MN1: variants seen among roughly 807,000 people sequenced by gnomAD.
MN1 encodes the protein MN1 proto-oncogene, transcriptional regulator.
MN1 carries 19 observed loss-of-function variants against 86.9 expected under a neutral mutation model. The ratio of observed to expected loss-of-function variants is 0.22; its 90% CI spans 0.15 to 0.32. The LOEUF is 0.32. MN1 is among the 10% of genes least tolerant of loss of function. The pLI is 1.00. For missense variants in MN1, 1,841 were observed against 1,862.0 expected, an observed-to-expected ratio of 0.99 and a Z score of 0.21; for synonymous variants, 928 against 849.6, an observed-to-expected ratio of 1.09 and a Z score of -1.60.
At chr22:27,760,641 C>G (rs892106690) in intron 1 of MN1, among the ~76,000 whole-genome samples, 1 of 152,192 alleles carries the variant, frequency 6.6e-6, no homozygotes, top group Non-Finnish European at 1.5e-5. Context: ...GGATGGGGAC[C>G]AAGAGATAGT....
chr22:27,778,303 C>T (rs555021019), intron 1 of MN1, among the ~76,000 whole-genome samples: 21 of 152,200 alleles, frequency 1.4e-4, no homozygotes, highest in Non-Finnish European at 2.9e-4. Context: ...CACATCTAGC[C>T]GTTGAGGGAA....
At position 27,798,276 on chromosome 22, in the gene MN1, C is replaced by T. The variant is rs1239610259; in HGVS notation, c.2268G>A (p.Thr756=). 6.5e-7 allele frequency: 1 copy of T among 1,527,792 alleles called. No individual in the cohort carries two copies. Among genetic ancestry groups the T allele is most frequent in the Admixed American group, 2.0e-5 (1 of 48,786 alleles). The allele number at this position is 1,527,792 out of a possible 1,614,324, so 94.6% of individuals were successfully genotyped here. A position where few individuals can be genotyped will look rare whatever the true frequency, so the allele number is the denominator to read the frequency against. Reference sequence around the variant, plus strand: ...AGTTCACGCCTGGACCGCTGTGCGGCGTGGACTGCCGGCCGGCTGCACCAA... The same window carrying T: ...AGTTCACGCCTGGACCGCTGTGCGGTGTGGACTGCCGGCCGGCTGCACCAA... ...FPFGAAGRQS[T]PHSGPGVNSP... is the part of the protein sequence containing the mutation. The change falls in exon 1 of 2, where the codon ACG becomes ACA. Residue 756 remains threonine (T), a synonymous_variant. Coordinates refer to ENST00000302326, the MANE Select transcript of MN1 (RefSeq NM_002430.3).
chr22:27,751,243 G>C lies in MN1; in HGVS notation c.3782-147C>G, dbSNP rs964094831. The C allele has an allele frequency of 1.8e-5, 10 of 554,468 alleles. No individual in the cohort carries two copies. The South Asian group carries it at 4.6e-4, about 25-fold the overall frequency. 34.3% of individuals were successfully genotyped at this position (554,468 alleles called of 1,614,324 possible). A position where few individuals can be genotyped will look rare whatever the true frequency, so the allele number is the denominator to read the frequency against. On this transcript the variant is annotated intron_variant, in intron 1 of 1. Coordinates refer to ENST00000302326, the MANE Select transcript of MN1 (RefSeq NM_002430.3). ...TAAAGCTGGTCCCAGAGGATCTAGA[G>C]ATGTTGTTTTGAATCTTCTTGCTGT...
In MN1 at chr22:27,799,330, G is replaced by T. The variant is rs1477571904; in HGVS notation, c.1214C>A (p.Ala405Glu). 4 of 1,592,602 alleles carry T rather than the reference G, an allele frequency of 2.5e-6. No homozygotes were observed. The Admixed American group carries it at 6.8e-5, about 27-fold the overall frequency. Reference protein sequence around the residue: ...DGGPMLPSQHAQFEYPIHRLE... With the variant: ...DGGPMLPSQHEQFEYPIHRLE... ...CCGGTGGATGGGATACTCGAATTGC[G>T]CGTGCTGGCTGGGCAGCATGGGGCC... The change falls in exon 1 of 2, where the codon GCG becomes GAG. Residue 405 changes from alanine (A) to glutamate (E), a missense_variant. Physicochemically the swap from Ala to Glu is moderately radical, Grantham distance 107. Transcript: ENST00000302326.
At chr22:27,796,290 C>T (rs1284755937) in intron 1 of MN1, among the ~76,000 whole-genome samples, 1 of 152,090 alleles carries the variant, frequency 6.6e-6, no homozygotes, top group Non-Finnish European at 1.5e-5. Context: ...AAAGAACTAG[C>T]GCTAGAGGCT....
chr22:27,780,557 T>C (rs1933039792), intron 1 of MN1, among the ~76,000 whole-genome samples: 1 of 152,142 alleles, frequency 6.6e-6, no homozygotes, highest in Non-Finnish European at 1.5e-5. Flanking sequence ...AGAGCATTTA[T>C]TTTTCTCTCC....
Position 27,797,737 on chromosome 22 carries a change from G to A in MN1, c.2807C>T (p.Ser936Phe). The stretch of plus-strand genomic sequence containing the variant: ...ACCCCGTCCCCGGCCGCCGCCCCCG[G>A]AGACCGGCTTGCCGTCATTCCCCGA... ...STSGNDGKPV[S>F]GGGGRGRGRR... The change falls in exon 1 of 2, where the codon TCC (serine) becomes TTC (phenylalanine). Residue 936 changes from serine (S) to phenylalanine (F), a missense_variant. Physicochemically the swap from Ser to Phe is radical, Grantham distance 155. Coordinates refer to ENST00000302326, the MANE Select transcript of MN1 (RefSeq NM_002430.3). 1.2e-6 allele frequency: 2 copies of A among 1,611,504 alleles called. No homozygotes were observed. The highest frequency in any genetic ancestry group is 8.5e-7 in the Non-Finnish European group (1 of 1,179,496).
intron 1 of MN1, among the ~76,000 whole-genome samples, chr22:27,785,742 G>A (rs1408015022): frequency 2.1e-5 from 2 of 95,398 alleles, no homozygotes; most frequent in Admixed American, 2.2e-4. Context: ...CAGGTAACAG[G>A]TGTGCCCCCC....
At chr22:27,765,483 C>A (rs1932862577) in intron 1 of MN1, among the ~76,000 whole-genome samples, 1 of 152,200 alleles carries the variant, frequency 6.6e-6, no homozygotes. Flanking sequence ...CCGAATGAGT[C>A]AGCCACGTCA....
intron 1 of MN1, among the ~76,000 whole-genome samples, chr22:27,759,410 T>C (rs1369609437): frequency 6.6e-6 from 1 of 151,970 alleles, no homozygotes; most frequent in East Asian, 1.9e-4. Flanking sequence ...AGAAAGAAGG[T>C]CTACACGGCC....
At chr22:27,774,984 G>C (rs1055258777) in intron 1 of MN1, among the ~76,000 whole-genome samples, 1 of 152,214 alleles carries the variant, frequency 6.6e-6, no homozygotes, top group African/African-American at 2.4e-5. Context: ...CGGTAGGTGG[G>C]AGGCCCCAGT....
rs1014111099 is a variant in MN1 at position 27,790,472 on chromosome 22, C to T, written c.3781+6291G>A. Among the ~76,000 whole-genome samples the T allele has an allele frequency of 3.9e-5, 6 of 152,164 alleles. 1 individual carries two copies. The highest frequency in any genetic ancestry group is 8.8e-5 in the Non-Finnish European group (6 of 68,036). ...ACCATCTCTCCTTTTGAGGCCTGTT[C>T]ACAGTTTCTCGGGGCCCTGGGTGGC... On this transcript the variant is annotated intron_variant, in intron 1 of 1. Coordinates refer to ENST00000302326, the MANE Select transcript of MN1 (RefSeq NM_002430.3).
chr22:27,762,200 G>C (rs537400520), intron 1 of MN1, among the ~76,000 whole-genome samples: 54 of 152,266 alleles, frequency 3.5e-4, no homozygotes, highest in African/African-American at 1.2e-3. Context: ...GACAGGCCCC[G>C]GGGGGCTGAG....
At chr22:27,753,438 G>A (rs1932782201) in intron 1 of MN1, among the ~76,000 whole-genome samples, 1 of 152,146 alleles carries the variant, frequency 6.6e-6, no homozygotes, top group Non-Finnish European at 1.5e-5. Context: ...CCTTGTAATG[G>A]CCTGGCACAC....
rs58248602 is a variant in MN1, at chr22:27,769,552, A to ATTTTTT, written c.3782-18462_3782-18457dup. Among the ~76,000 whole-genome samples, 2 of 83,282 alleles carry ATTTTTT rather than the reference A, an allele frequency of 2.4e-5. 1 individual carries two copies. The highest frequency in any genetic ancestry group is 4.3e-5 in the Non-Finnish European group (2 of 47,024). The allele number at this position is 83,282 out of a possible 152,430, so 54.6% of individuals were successfully genotyped here. A position where few individuals can be genotyped will look rare whatever the true frequency, so the allele number is the denominator to read the frequency against. ...CGAAGCAATAATATCAAGGATGCCA[A>ATTTTTT]TTTTTTTTTTTTTTTTTTGAGACAG... On this transcript the variant is annotated intron_variant, in intron 1 of 1. Transcript: ENST00000302326.
At chr22:27,752,310 G>T (rs45585731) in intron 1 of MN1, among the ~76,000 whole-genome samples, 2,838 of 152,292 alleles carry the variant, frequency 0.019, 90 homozygotes, top group African/African-American at 0.065. Context: ...AAGGACAGAA[G>T]ATGAAGTGTT....
rs900257192 is a variant in MN1 at position 27,798,630 on chromosome 22, C to A, written c.1914G>T (p.Pro638=). 9 of 1,560,960 alleles carry A rather than the reference C, an allele frequency of 5.8e-6. No homozygotes were observed. Among genetic ancestry groups the A allele is most frequent in the Non-Finnish European group, 7.7e-6 (9 of 1,162,108 alleles). Residue 638 remains proline (P), a synonymous_variant, in exon 1 of 2, where the codon CCG becomes CCT. Coordinates refer to ENST00000302326, the MANE Select transcript of MN1 (RefSeq NM_002430.3). ...ESAWFSGPHP[P]PGDLLPRRMG... is the part of the protein sequence containing the mutation. ...TCCTACGGGGCAGCAGGTCTCCGGG[C>A]GGCGGATGCGGACCTGAGAACCACG...
intron 1 of MN1, among the ~76,000 whole-genome samples, chr22:27,781,061 G>A (rs1288222528): frequency 6.6e-6 from 1 of 152,136 alleles, no homozygotes; most frequent in Non-Finnish European, 1.5e-5. Flanking sequence ...CTCCCAGGTA[G>A]CTGGGACTAC....
At position 27,799,462 on chromosome 22, in the gene MN1, G is replaced by GGCT. The variant is rs777180823; in HGVS notation, c.1079_1081dup (p.Gln360dup). ...GACTAGAAGCCCGGGTGGCGGCGGC[G>GGCT]GCTGCTGCTGTGGCGGCTGCTGCGG... On this transcript the variant is annotated inframe_insertion, in exon 1 of 2. Transcript: ENST00000302326. The GGCT allele has an allele frequency of 2.0e-5, 29 of 1,452,624 alleles. No homozygotes were observed. In the African/African-American group the frequency reaches 3.2e-4, roughly 16 times the overall value. The allele number at this position is 1,452,624 out of a possible 1,614,324, so 90.0% of individuals were successfully genotyped here.
Sources: allele counts gnomAD v4.1 joint callset (sites outside exome capture counted in the v4.1 genomes callset), GRCh38; gene constraint gnomAD v4.1.1; transcripts MANE v1.5; gene names NCBI Gene and HGNC (gene_info 2026-07-23, HGNC 2026-07-21).